SEC14L1: variants seen among roughly 807,000 people sequenced by gnomAD.
SEC14L1 encodes the protein SEC14 like lipid binding 1.
A neutral mutation model predicts 85.3 loss-of-function variants in SEC14L1; 48 were observed. The ratio of observed to expected loss-of-function variants is 0.56; its 90% CI spans 0.45 to 0.72. The LOEUF is 0.72. Among genes scored for constraint, SEC14L1 ranks in the 30% least tolerant of loss-of-function variants. SEC14L1 has a pLI of 0.00. For synonymous variants in SEC14L1, 391 were observed against 355.5 expected (o/e 1.10, Z -1.12); for missense variants, 682 against 921.4 (o/e 0.74, Z 3.36).
At chr17:77,164,432 T>A (rs1286293296) in intron 3 of SEC14L1, among the ~76,000 whole-genome samples, 1 of 152,196 alleles carries the variant, frequency 6.6e-6, no homozygotes, top group Non-Finnish European at 1.5e-5. Flanking sequence ...TCCCTTTTGC[T>A]CTGTCTGGTG....
At chr17:77,202,227 C>T (rs897692018) in intron 9 of SEC14L1, among the ~76,000 whole-genome samples, 3 of 152,068 alleles carry the variant, frequency 2.0e-5, no homozygotes, top group Non-Finnish European at 2.9e-5. Flanking sequence ...GGCTCATGCC[C>T]GTAATCCCAG....
chr17:77,211,907 G>A, intron 14 of SEC14L1, 43 bp from the exon 15 acceptor site: 1 of 1,603,860 alleles, frequency 6.2e-7, no homozygotes, highest in Non-Finnish European at 8.5e-7. Flanking sequence ...ATGCCGGCCT[G>A]GTGCTCGTGG....
chr17:77,159,063 T>G (rs1184560542), intron 3 of SEC14L1, among the ~76,000 whole-genome samples: 2 of 151,200 alleles, frequency 1.3e-5, no homozygotes, highest in Non-Finnish European at 2.9e-5. Flanking sequence ...AACTGTAGTA[T>G]TTTTTTTGTT....
intron 3 of SEC14L1, among the ~76,000 whole-genome samples, chr17:77,125,796 T>C (rs2143421994): frequency 6.6e-6 from 1 of 152,166 alleles, no homozygotes; most frequent in South Asian, 2.1e-4. Context: ...CACCAGGATG[T>C]ACAAATCTTG....
rs371569130 is a variant in SEC14L1, at chr17:77,216,638, G to A, written c.*2615G>A. 22 of 1,611,114 alleles carry A rather than the reference G, an allele frequency of 1.4e-5. No individual in the cohort carries two copies. The African/African-American group carries it at 2.8e-4, about 21-fold the overall frequency. On this transcript the variant is annotated 3_prime_UTR_variant, in exon 17 of 17. Coordinates refer to ENST00000436233, the MANE Select transcript of SEC14L1 (RefSeq NM_001143998.2). ...TGTTTATAGAACTGTTTGAATTGCA[G>A]CCATCCCCTGCCCCCTCCCAGGCTG... is the stretch of plus-strand genomic sequence containing the variant.
intron 5 of SEC14L1, among the ~76,000 whole-genome samples, chr17:77,192,288 G>T (rs1339438957): frequency 3.3e-5 from 5 of 152,188 alleles, no homozygotes; most frequent in Non-Finnish European, 5.9e-5. Flanking sequence ...CTGACAGATT[G>T]CTGTATTTCT....
chr17:77,114,095 G>A (rs1336633749), intron 3 of SEC14L1, among the ~76,000 whole-genome samples: 1 of 152,176 alleles, frequency 6.6e-6, no homozygotes, highest in Non-Finnish European at 1.5e-5. Flanking sequence ...GGATGTGAAG[G>A]AGGTGTGGGT....
chr17:77,198,126 C>G (rs1195006553), intron 8 of SEC14L1, among the ~76,000 whole-genome samples: 1 of 152,146 alleles, frequency 6.6e-6, no homozygotes, highest in African/African-American at 2.4e-5. Flanking sequence ...ATAAAGGGAA[C>G]CATTTTAGAT....
rs530634875 is a variant in SEC14L1 at position 77,134,440 on chromosome 17, G to A, written c.-135-8206G>A. On this transcript the variant is annotated intron_variant, in intron 3 of 19. Transcript: ENST00000392476. ...AAATTTTAAATTTTTTGTTGAGGCCGGGTGCGGTGGCTCATGCCTGTAATC... is the reference window on the plus strand; with the variant it reads ...AAATTTTAAATTTTTTGTTGAGGCCAGGTGCGGTGGCTCATGCCTGTAATC... Among the ~76,000 whole-genome samples, 42 of 152,180 alleles carry A rather than the reference G, an allele frequency of 2.8e-4. No individual in the cohort carries two copies. The South Asian group carries it at 3.7e-3, about 14-fold the overall frequency.
At chr17:77,103,591 G>A (rs893335764) in intron 3 of SEC14L1, among the ~76,000 whole-genome samples, 12 of 135,056 alleles carry the variant, frequency 8.9e-5, no homozygotes, top group African/African-American at 1.1e-4. Context: ...ACAGGCATGC[G>A]CCCCCATGCC....
chr17:77,212,169 C>T lies in SEC14L1; in HGVS notation c.1831C>T (p.Pro611Ser). 4 of 1,613,904 alleles carry T rather than the reference C, an allele frequency of 2.5e-6. No individual in the cohort carries two copies. Among genetic ancestry groups the T allele is most frequent in the Non-Finnish European group, 3.4e-6 (4 of 1,180,022 alleles). Residue 611 changes from proline (P) to serine (S), a missense_variant, in exon 15 of 17, where the codon CCT becomes TCT. By Grantham distance (74) the Pro-to-Ser change is moderately conservative. This residue lies in a region of SEC14L1 where 420 missense variants were observed against 619.5 expected (regional missense o/e 0.68). Transcript: ENST00000436233. ...LGRDYSMVES[P>S]LICKEGESVQ... The stretch of plus-strand genomic sequence containing the variant: ...CCGCGACTACAGCATGGTGGAGTCG[C>T]CTCTGATCTGCAAAGAAGGAGAAAG...
chr17:77,164,407 TC>T (rs537304754), intron 3 of SEC14L1, among the ~76,000 whole-genome samples: 69 of 152,202 alleles, frequency 4.5e-4, no homozygotes, highest in African/African-American at 1.6e-3. Flanking sequence ...CCTCCCAATT[TC>T]CCCCCACCTC....
intron 3 of SEC14L1, among the ~76,000 whole-genome samples, chr17:77,174,592 G>A (rs942524273): frequency 3.3e-5 from 5 of 152,100 alleles, no homozygotes; most frequent in East Asian, 3.8e-4. Flanking sequence ...GTTGCTAAGC[G>A]TCCGGGTTTA....
At chr17:77,147,576 C>T (rs1347488944) in intron 3 of SEC14L1, among the ~76,000 whole-genome samples, 6 of 152,072 alleles carry the variant, frequency 3.9e-5, no homozygotes, top group Admixed American at 2.0e-4. Context: ...TCTGAGACTC[C>T]GAGGTGGTGA....
intron 3 of SEC14L1, among the ~76,000 whole-genome samples, chr17:77,148,465 G>T (rs1200616471): frequency 6.6e-6 from 1 of 152,144 alleles, no homozygotes; most frequent in African/African-American, 2.4e-5. Flanking sequence ...TTCTGTCTGG[G>T]CTTATTTCCA....
chr17:77,156,618 C>G (rs913109621), intron 3 of SEC14L1, among the ~76,000 whole-genome samples: 3 of 150,344 alleles, frequency 2.0e-5, no homozygotes, highest in African/African-American at 7.3e-5. Context: ...GAGGGTCTTG[C>G]AGTGTATGCT....
chr17:77,214,329 CAG>C lies in SEC14L1; in HGVS notation c.*308_*309del. 9.0e-7 allele frequency: 1 copy of C among 1,109,658 alleles called. No individual in the cohort carries two copies. The highest frequency in any genetic ancestry group is 1.1e-6 in the Non-Finnish European group (1 of 907,028). The allele number at this position is 1,109,658 out of a possible 1,614,324, so 68.7% of individuals were successfully genotyped here. A position where few individuals can be genotyped will look rare whatever the true frequency, so the allele number is the denominator to read the frequency against. ...ACCAATTAAAGGATTGACGTGGTCT[CAG>C]ATATTGATGCAAAAAATTTTTCCAA... On this transcript the variant is annotated 3_prime_UTR_variant, in exon 17 of 17. Transcript: ENST00000436233.
intron 3 of SEC14L1, among the ~76,000 whole-genome samples, chr17:77,181,883 T>C (rs1482413763): frequency 6.6e-6 from 1 of 152,156 alleles, no homozygotes; most frequent in Non-Finnish European, 1.5e-5. Context: ...TGAGGGACTT[T>C]GGTCAGTTTG....
chr17:77,109,664 G>A (rs1054564009), intron 3 of SEC14L1, among the ~76,000 whole-genome samples: 7 of 152,166 alleles, frequency 4.6e-5, no homozygotes, highest in South Asian at 2.1e-4. Context: ...GAAAGAGAAC[G>A]AACTGAAACT....
Sources: allele counts gnomAD v4.1 joint callset (sites outside exome capture counted in the v4.1 genomes callset), GRCh38; gene constraint gnomAD v4.1.1; regional missense constraint gnomAD v4.1.1; transcripts MANE v1.5; gene names NCBI Gene and HGNC (gene_info 2026-07-23, HGNC 2026-07-21).